PCCA: variants seen among roughly 807,000 people sequenced by gnomAD.
PCCA encodes propionyl-CoA carboxylase subunit alpha.
PCCA carries 74 observed loss-of-function variants against 101.3 expected under a neutral mutation model. That is an observed-to-expected ratio of 0.73 (90% CI 0.61 to 0.89). The LOEUF is 0.89. PCCA is among the 40% of genes least tolerant of loss of function. The pLI is 0.00. For missense variants in PCCA, 891 were observed against 907.0 expected (o/e 0.98, Z 0.23); for synonymous variants, 294 against 313.6 (o/e 0.94, Z 0.66).
At chr13:100,220,458 A>G (rs1314238530) in intron 7 of PCCA, among the ~76,000 whole-genome samples, 2 of 140,034 alleles carry the variant, frequency 1.4e-5, no homozygotes, top group Admixed American at 7.4e-5. Flanking sequence ...TATTTCTAGT[A>G]GAGACTGGGT....
rs375312658 is a variant in PCCA at position 100,299,195 on chromosome 13, A to G, written c.1066-2265A>G. On this transcript the variant is annotated intron_variant, in intron 12 of 23. Coordinates refer to ENST00000376285, the MANE Select transcript of PCCA (RefSeq NM_000282.4). ...AATTACTTGTAGCTCCCTAATTTAG[A>G]TTGTAAAATGTTATGGCTCTGTTAT... Among the ~76,000 whole-genome samples, 84 of 152,220 alleles carry G rather than the reference A, an allele frequency of 5.5e-4. 1 individual carries two copies. In the South Asian group the frequency reaches 0.017, roughly 30 times the overall value.
At chr13:100,172,108 G>A (rs2055732109) in intron 6 of PCCA, among the ~76,000 whole-genome samples, 1 of 151,716 alleles carries the variant, frequency 6.6e-6, no homozygotes, top group South Asian at 2.1e-4. Context: ...AGCTGAGGTG[G>A]GAGGATTGCT....
chr13:100,252,534 C>G (rs2061823271), intron 8 of PCCA, among the ~76,000 whole-genome samples: 1 of 152,068 alleles, frequency 6.6e-6, no homozygotes. Flanking sequence ...ACCACTGTTG[C>G]ATCAATAGGG....
chr13:100,330,932 A>G (rs1305433751), intron 17 of PCCA, among the ~76,000 whole-genome samples: 1 of 152,162 alleles, frequency 6.6e-6, no homozygotes, highest in Non-Finnish European at 1.5e-5. Flanking sequence ...CAAAACATGT[A>G]GATAGATCAT....
At chr13:100,377,792 C>T (rs550479355) in intron 19 of PCCA, among the ~76,000 whole-genome samples, 2 of 152,296 alleles carry the variant, frequency 1.3e-5, no homozygotes, top group South Asian at 4.1e-4. Context: ...CTGCACCTGG[C>T]CACCAGCTTC....
In PCCA at chr13:100,141,708, C is replaced by T. The variant is rs143595061; in HGVS notation, c.301-13271C>T. Reference sequence around the variant, plus strand: ...GTTTACAGGCGTGAACCACCACACCCAGCCTTTATTACTCTTAATTGCAGT... The same window carrying T: ...GTTTACAGGCGTGAACCACCACACCTAGCCTTTATTACTCTTAATTGCAGT... On this transcript the variant is annotated intron_variant, in intron 4 of 23. Transcript: ENST00000376285. Among the ~76,000 whole-genome samples the T allele has an allele frequency of 2.1e-3, 319 of 152,338 alleles. 1 individual carries two copies. Among genetic ancestry groups the T allele is most frequent in the African/African-American group, 7.3e-3 (302 of 41,578 alleles).
At chr13:100,130,922 A>G (rs1477397537) in intron 4 of PCCA, among the ~76,000 whole-genome samples, 4 of 152,308 alleles carry the variant, frequency 2.6e-5, no homozygotes, top group South Asian at 4.1e-4. Flanking sequence ...AAGTGTTTCC[A>G]TGTATCAGTT....
At chr13:100,270,665 T>C (rs891840643) in intron 11 of PCCA, among the ~76,000 whole-genome samples, 2 of 152,192 alleles carry the variant, frequency 1.3e-5, no homozygotes, top group Non-Finnish European at 2.9e-5. Flanking sequence ...GATATGTATT[T>C]GTACACTGTG....
At chr13:100,399,640 C>A (rs944989403) in intron 19 of PCCA, among the ~76,000 whole-genome samples, 3 of 152,160 alleles carry the variant, frequency 2.0e-5, no homozygotes. Context: ...GCAGTCTTAT[C>A]AGAAAGCAAA....
chr13:100,475,133 G>A (rs934666312), intron 21 of PCCA, among the ~76,000 whole-genome samples: 2 of 152,134 alleles, frequency 1.3e-5, no homozygotes, highest in Non-Finnish European at 2.9e-5. Flanking sequence ...TTGCAGCCTT[G>A]AACTCTTGGG....
At chr13:100,449,824 A>G (rs2081091298) in intron 21 of PCCA, among the ~76,000 whole-genome samples, 2 of 152,210 alleles carry the variant, frequency 1.3e-5, no homozygotes, top group South Asian at 2.1e-4. Context: ...ATTTTTAAAC[A>G]TGTATGATAT....
chr13:100,342,842 G>A (rs2071591055), intron 18 of PCCA, among the ~76,000 whole-genome samples: 1 of 151,474 alleles, frequency 6.6e-6, no homozygotes, highest in South Asian at 2.1e-4. Context: ...CTGCCTCAGT[G>A]TCCCTGGTAG....
chr13:100,433,547 A>G (rs1595885699), intron 20 of PCCA, among the ~76,000 whole-genome samples: 1 of 151,816 alleles, frequency 6.6e-6, no homozygotes, highest in East Asian at 1.9e-4. Flanking sequence ...TCCTTCCCAT[A>G]TATAAAACCA....
rs143507357 is a variant in PCCA at position 100,452,568 on chromosome 13, G to T, written c.1899+3263G>T. On this transcript the variant is annotated intron_variant, in intron 21 of 23. Coordinates refer to ENST00000376285, the MANE Select transcript of PCCA (RefSeq NM_000282.4). ...GGTCTTTACTCAGTAGGCTCCTTCT[G>T]AAGGAAGGCTTCCCTGGTCACGCCG... 4.6e-3 allele frequency among the ~76,000 whole-genome samples: 705 copies of T among 152,236 alleles called. 4 individuals carry two copies. Among genetic ancestry groups the T allele is most frequent in the African/African-American group, 0.016 (662 of 41,532 alleles).
At chr13:100,291,591 A>T (rs1391002953) in intron 12 of PCCA, among the ~76,000 whole-genome samples, 1 of 152,008 alleles carries the variant, frequency 6.6e-6, no homozygotes. Context: ...TGTGCTAGTA[A>T]TCCCCCTGCT....
chr13:100,197,676 T>C (rs1051132446), intron 6 of PCCA, among the ~76,000 whole-genome samples: 11 of 152,170 alleles, frequency 7.2e-5, no homozygotes, highest in Admixed American at 7.2e-4. Context: ...CACCTTGGCC[T>C]CCCAAAGTGC....
chr13:100,453,833 G>A lies in PCCA; in HGVS notation c.1899+4528G>A, dbSNP rs199593015. Among the ~76,000 whole-genome samples the A allele has an allele frequency of 1.6e-4, 4 of 25,552 alleles. No individual in the cohort carries two copies. The South Asian group carries it at 6.8e-3, about 44-fold the overall frequency. The allele number at this position is 25,552 out of a possible 152,430, so 16.8% of individuals were successfully genotyped here. On this transcript the variant is annotated intron_variant, in intron 21 of 23. Transcript: ENST00000376285. ...GGACAACAAAAGTCACCGGAAAAAA[G>A]GGAAAAAAAGAATGTCTTTTTGATT...
At chr13:100,173,972 G>A (rs1004413063) in intron 6 of PCCA, among the ~76,000 whole-genome samples, 9 of 152,176 alleles carry the variant, frequency 5.9e-5, no homozygotes, top group Admixed American at 2.0e-4. Context: ...GCCATGTGGA[G>A]CTGTAAGTCA....
intron 18 of PCCA, among the ~76,000 whole-genome samples, chr13:100,357,393 G>A (rs2152793273): frequency 6.6e-6 from 1 of 152,210 alleles, no homozygotes; most frequent in East Asian, 1.9e-4. Flanking sequence ...TCTCAATTTA[G>A]TGCAAGAGTA....
Sources: gnomAD v4.1 joint callset for allele counts (sites outside exome capture counted in the v4.1 genomes callset) on GRCh38, gnomAD v4.1.1 for gene constraint, MANE v1.5 for transcripts, NCBI Gene and HGNC (gene_info 2026-07-23, HGNC 2026-07-21) for gene names.